AGK: variants seen among roughly 807,000 people sequenced by gnomAD.
AGK encodes the protein acylglycerol kinase, mitochondrial.
In AGK, 52 loss-of-function variants were observed where a neutral mutation model predicts 66.4. That is an observed-to-expected ratio of 0.78 (90% CI 0.63 to 0.99). The LOEUF is 0.99. Ranked by LOEUF, AGK falls within the 50% of genes least tolerant of loss-of-function variation. The pLI is 0.00. For missense variants in AGK, 451 were observed against 506.6 expected, an observed-to-expected ratio of 0.89 and a Z score of 1.05; for synonymous variants, 182 against 181.1, an observed-to-expected ratio of 1.00 and a Z score of -0.04.
chr7:141,636,840 A>G, intron 10 of AGK, 120 bp from the exon 11 acceptor site: 1 of 740,000 alleles, frequency 1.4e-6, no homozygotes, highest in South Asian at 2.1e-5. Context: ...CCTCCTAGCT[A>G]CCAGAATAGC....
At chr7:141,634,538 G>A (rs1286957519) in intron 10 of AGK, among the ~76,000 whole-genome samples, 1 of 152,206 alleles carries the variant, frequency 6.6e-6, no homozygotes, top group African/African-American at 2.4e-5. Flanking sequence ...GGCTTTTCAT[G>A]AGAATTGACT....
intron 8 of AGK, among the ~76,000 whole-genome samples, chr7:141,618,432 A>C (rs1053450571): frequency 6.6e-6 from 1 of 152,206 alleles, no homozygotes; most frequent in Non-Finnish European, 1.5e-5. Flanking sequence ...AGATTGTTAA[A>C]AAGCTAAAGT....
chr7:141,621,079 C>T (rs1796813237), intron 8 of AGK, among the ~76,000 whole-genome samples: 1 of 152,164 alleles, frequency 6.6e-6, no homozygotes, highest in African/African-American at 2.4e-5. Flanking sequence ...AGCCTGAGAC[C>T]TAATCATCGA....
chr7:141,618,884 AT>A (rs1286107290), intron 8 of AGK, among the ~76,000 whole-genome samples: 1 of 152,168 alleles, frequency 6.6e-6, no homozygotes, highest in East Asian at 1.9e-4. Context: ...ATTAATAATA[AT>A]TACCGTATTT....
At chr7:141,611,142 A>T in intron 5 of AGK, 53 bp from the exon 6 acceptor site, 1 of 1,233,494 alleles carries the variant, frequency 8.1e-7, no homozygotes. Flanking sequence ...TTAAACCTTT[A>T]ACCTTGTGGC....
Position 141,641,480 on chromosome 7 carries a change from G to A in AGK, c.877+82G>A, listed in dbSNP as rs192225300. 1.6e-4 allele frequency: 227 copies of A among 1,459,322 alleles called. No individual in the cohort carries two copies. In the African/African-American group the frequency reaches 2.9e-3, roughly 19 times the overall value. 90.4% of individuals were successfully genotyped at this position (1,459,322 alleles called of 1,614,324 possible). On this transcript the variant is annotated intron_variant, in intron 12 of 15. Coordinates refer to ENST00000649286, the MANE Select transcript of AGK (RefSeq NM_018238.4). ...AAGTAGACCTCCAAAATCAGTTTTA[G>A]AGACTTAACTAGAGCAGGAGAAGCC...
intron 9 of AGK, among the ~76,000 whole-genome samples, chr7:141,625,743 C>G (rs1796925617): frequency 6.6e-6 from 1 of 152,114 alleles, no homozygotes. Context: ...TGAAACTGTT[C>G]TCATATCTCA....
chr7:141,631,831 A>G (rs1797063181), intron 9 of AGK, among the ~76,000 whole-genome samples: 1 of 152,190 alleles, frequency 6.6e-6, no homozygotes, highest in Non-Finnish European at 1.5e-5. Flanking sequence ...GGCCAAACAC[A>G]GTCCAGTCCC....
chr7:141,612,600 G>A (rs1213911795), intron 6 of AGK, among the ~76,000 whole-genome samples: 1 of 152,168 alleles, frequency 6.6e-6, no homozygotes, highest in South Asian at 2.1e-4. Flanking sequence ...TCTGGTGAAG[G>A]ATGTTGATAA....
intron 2 of AGK, among the ~76,000 whole-genome samples, chr7:141,575,800 G>T (rs1386281018): frequency 6.6e-6 from 1 of 151,502 alleles, no homozygotes; most frequent in Non-Finnish European, 1.5e-5. Flanking sequence ...TGGTTAAACA[G>T]TGGGTAAATT....
At chr7:141,597,646 A>C (rs1796254173) in intron 4 of AGK, among the ~76,000 whole-genome samples, 2 of 151,954 alleles carry the variant, frequency 1.3e-5, no homozygotes. Flanking sequence ...TGAGGTGGGC[A>C]GATCACTTGA....
At chr7:141,632,213 A>C (rs1316851008) in intron 9 of AGK, among the ~76,000 whole-genome samples, 1 of 151,646 alleles carries the variant, frequency 6.6e-6, no homozygotes, top group Non-Finnish European at 1.5e-5. Flanking sequence ...CCTGGGCAAC[A>C]AGAGTGAAAC....
chr7:141,636,356 T>C (rs1394583700), intron 10 of AGK, among the ~76,000 whole-genome samples: 2 of 152,166 alleles, frequency 1.3e-5, no homozygotes, highest in African/African-American at 4.8e-5. Context: ...GAACGTACAC[T>C]TGACCCATTG....
Position 141,654,489 on chromosome 7 carries a change from TATC to T in AGK, c.*1567_*1569del, listed in dbSNP as rs1797642504. 6.6e-6 allele frequency: 1 copy of T among 152,258 alleles called. No homozygotes were observed. Among genetic ancestry groups the T allele is most frequent in the Admixed American group, 6.5e-5 (1 of 15,286 alleles). The allele number at this position is 152,258 out of a possible 1,614,324, so 9.4% of individuals were successfully genotyped here. A position where few individuals can be genotyped will look rare whatever the true frequency, so the allele number is the denominator to read the frequency against. ...TCATCAAGAATTATTAATGATGATC[TATC>T]AACTAACAAACAACTTGATTAGATT... On this transcript the variant is annotated 3_prime_UTR_variant, in exon 16 of 16. Transcript: ENST00000649286.
At chr7:141,600,453 CT>C (rs766853690) in intron 4 of AGK, among the ~76,000 whole-genome samples, 112 of 152,212 alleles carry the variant, frequency 7.4e-4, no homozygotes, top group Non-Finnish European at 1.4e-3. Context: ...GCTGTTTTTT[CT>C]CTTCTTATAA....
At chr7:141,574,460 GGA>G (rs2116883754) in intron 2 of AGK, among the ~76,000 whole-genome samples, 1 of 152,158 alleles carries the variant, frequency 6.6e-6, no homozygotes, top group East Asian at 1.9e-4. Flanking sequence ...CCTGAGGCTA[GGA>G]TAAGAGAGTG....
chr7:141,609,991 CAG>C (rs1220996854), intron 5 of AGK, among the ~76,000 whole-genome samples: 1 of 148,588 alleles, frequency 6.7e-6, no homozygotes, highest in East Asian at 2.0e-4. Flanking sequence ...TTTCCTGAGA[CAG>C]AGTCTTGCTC....
intron 2 of AGK, among the ~76,000 whole-genome samples, chr7:141,572,520 C>T (rs1433177824): frequency 1.3e-5 from 2 of 152,332 alleles, no homozygotes; most frequent in East Asian, 3.9e-4. Flanking sequence ...GGAATAATTA[C>T]ACCTGTTTGG....
intron 14 of AGK, among the ~76,000 whole-genome samples, chr7:141,651,017 CAGTT>C (rs1382024078): frequency 6.6e-6 from 1 of 152,210 alleles, no homozygotes; most frequent in Non-Finnish European, 1.5e-5. Flanking sequence ...TCTCTATCCT[CAGTT>C]GGTTGAATCC....
Sources: allele counts gnomAD v4.1 joint callset (sites outside exome capture counted in the v4.1 genomes callset), GRCh38; gene constraint gnomAD v4.1.1; transcripts MANE v1.5; gene names NCBI Gene and HGNC (gene_info 2026-07-23, HGNC 2026-07-21).